The following CNTN4 variants were observed in gnomAD, a reference collection of about 807,000 sequenced individuals.
CNTN4 encodes contactin 4.
A neutral mutation model predicts 122.5 loss-of-function variants in CNTN4; 77 were observed. The observed-to-expected ratio is 0.63, with a 90% CI of 0.52 to 0.76. The LOEUF is 0.76. Ranked by LOEUF, CNTN4 falls within the 30% of genes least tolerant of loss-of-function variation. CNTN4 has a pLI of 0.00. For missense variants in CNTN4, 1,256 were observed against 1,259.1 expected (o/e 1.00, Z 0.04); for synonymous variants, 512 against 447.0 (o/e 1.15, Z -1.83).
chr3:2,130,292 T>C (rs955692310), intron 2 of CNTN4, among the ~76,000 whole-genome samples: 3 of 152,144 alleles, frequency 2.0e-5, no homozygotes, highest in Non-Finnish European at 2.9e-5. Flanking sequence ...TCTGAACCAT[T>C]GAGGGCCAGA....
intron 4 of CNTN4, among the ~76,000 whole-genome samples, chr3:2,708,749 A>T (rs1310663624): frequency 3.2e-4 from 10 of 31,200 alleles, no homozygotes; most frequent in Admixed American, 1.8e-3. Context: ...ACACACACAC[A>T]CACACACACA....
At chr3:2,211,557 A>T (rs899966687) in intron 2 of CNTN4, among the ~76,000 whole-genome samples, 7 of 152,122 alleles carry the variant, frequency 4.6e-5, no homozygotes, top group East Asian at 1.9e-4. Flanking sequence ...CTTTTAAAAA[A>T]TTTTCATATA....
intron 3 of CNTN4, among the ~76,000 whole-genome samples, chr3:2,507,332 CA>C (rs2076757000): frequency 6.6e-6 from 1 of 152,012 alleles, no homozygotes; most frequent in Admixed American, 6.5e-5. Context: ...AACCAAAAAT[CA>C]GGGTTTTTTT....
intron 2 of CNTN4, among the ~76,000 whole-genome samples, chr3:2,122,559 A>G (rs1333118816): frequency 6.6e-6 from 1 of 152,214 alleles, no homozygotes; most frequent in Non-Finnish European, 1.5e-5. Flanking sequence ...TCTTGCTATG[A>G]TAAACAATAT....
chr3:2,712,176 C>G (rs942566866), intron 4 of CNTN4, among the ~76,000 whole-genome samples: 3 of 152,102 alleles, frequency 2.0e-5, no homozygotes, highest in Non-Finnish European at 4.4e-5. Context: ...ATTGTTATAA[C>G]TATTTTTATA....
At chr3:2,445,780 C>T (rs936242389) in intron 3 of CNTN4, among the ~76,000 whole-genome samples, 1 of 152,072 alleles carries the variant, frequency 6.6e-6, no homozygotes. Context: ...ATTTGCCAGG[C>T]GACATATTTG....
At chr3:2,344,430 C>T (rs548184672) in intron 3 of CNTN4, among the ~76,000 whole-genome samples, 2 of 152,184 alleles carry the variant, frequency 1.3e-5, no homozygotes, top group Admixed American at 1.3e-4. Flanking sequence ...CAGGCGTCTG[C>T]CACCGCACCC....
chr3:2,374,853 G>C (rs375759748), intron 3 of CNTN4, among the ~76,000 whole-genome samples: 2 of 152,092 alleles, frequency 1.3e-5, no homozygotes, highest in Non-Finnish European at 2.9e-5. Flanking sequence ...TGCTAATCAC[G>C]TGTCACTGGT....
intron 4 of CNTN4, among the ~76,000 whole-genome samples, chr3:2,633,970 G>C (rs540820745): frequency 1.5e-4 from 23 of 152,288 alleles, no homozygotes; most frequent in Non-Finnish European, 2.9e-4. Context: ...AGAAATGCTT[G>C]CCTACTCTCT....
chr3:2,416,020 T>G (rs181250746), intron 3 of CNTN4, among the ~76,000 whole-genome samples: 51 of 152,290 alleles, frequency 3.3e-4, no homozygotes, highest in African/African-American at 1.2e-3. Flanking sequence ...CAATAGCCAT[T>G]TAATAAGCAT....
chr3:2,810,138 C>G (rs921553511), intron 6 of CNTN4, among the ~76,000 whole-genome samples: 2 of 151,968 alleles, frequency 1.3e-5, no homozygotes, highest in African/African-American at 4.8e-5. Context: ...ACTTCTGGGT[C>G]GGGAAAATCC....
At chr3:2,924,313 C>T (rs948435323) in intron 12 of CNTN4, among the ~76,000 whole-genome samples, 1 of 151,930 alleles carries the variant, frequency 6.6e-6, no homozygotes, top group Non-Finnish European at 1.5e-5. Flanking sequence ...CCCATTACCC[C>T]CCAAGCCCCC....
chr3:2,671,013 T>G (rs566240183), intron 4 of CNTN4, among the ~76,000 whole-genome samples: 7,650 of 152,224 alleles, frequency 0.05, 230 homozygotes, highest in African/African-American at 0.058. Flanking sequence ...TTTCTCTCTG[T>G]CTGCCCTTAA....
intron 2 of CNTN4, among the ~76,000 whole-genome samples, chr3:2,118,867 A>C (rs2033543427): frequency 6.6e-6 from 1 of 152,224 alleles, no homozygotes; most frequent in Non-Finnish European, 1.5e-5. Flanking sequence ...TATGACATTT[A>C]GAAAAAGTTT....
In CNTN4 at chr3:2,341,981, GCTA is replaced by G. The variant is rs563081416; in HGVS notation, c.-89+2750_-89+2752del. Among the ~76,000 whole-genome samples the G allele has an allele frequency of 3.1e-3, 475 of 152,210 alleles. 2 individuals carry two copies. The highest frequency in any genetic ancestry group is 0.011 in the African/African-American group (461 of 41,530). ...TAGACACTTGAGTTTAATATCCTTAGCTACCCAAAGATACATGGATTGATACAG... is the reference window on the plus strand; with the variant it reads ...TAGACACTTGAGTTTAATATCCTTAGCCCAAAGATACATGGATTGATACAG... On this transcript the variant is annotated intron_variant, in intron 3 of 24. Transcript: ENST00000418658.
intron 4 of CNTN4, among the ~76,000 whole-genome samples, chr3:2,696,937 C>T (rs189873024): frequency 1.3e-5 from 2 of 152,270 alleles, no homozygotes; most frequent in African/African-American, 4.8e-5. Flanking sequence ...GAATGGGTGA[C>T]ATTTAATAAA....
intron 6 of CNTN4, among the ~76,000 whole-genome samples, chr3:2,783,145 A>G (rs548387118): frequency 6.6e-6 from 1 of 151,886 alleles, no homozygotes; most frequent in South Asian, 2.1e-4. Flanking sequence ...AATTAGCAGG[A>G]CATAGTGGTG....
At chr3:2,855,004 G>A (rs1008436974) in intron 7 of CNTN4, among the ~76,000 whole-genome samples, 7 of 152,090 alleles carry the variant, frequency 4.6e-5, no homozygotes, top group South Asian at 2.1e-4. Flanking sequence ...ATTTTCCTAC[G>A]AAATATATTT....
intron 3 of CNTN4, among the ~76,000 whole-genome samples, chr3:2,500,053 A>G (rs1244968586): frequency 6.6e-6 from 1 of 152,148 alleles, no homozygotes; most frequent in Non-Finnish European, 1.5e-5. Context: ...ATGTATACAA[A>G]TACAATAGAT....
Sources: allele counts gnomAD v4.1 joint callset (sites outside exome capture counted in the v4.1 genomes callset), GRCh38; gene constraint gnomAD v4.1.1; transcripts MANE v1.5; gene names NCBI Gene and HGNC (gene_info 2026-07-23, HGNC 2026-07-21).